PDE1A: variants seen among roughly 807,000 people sequenced by gnomAD.
PDE1A encodes phosphodiesterase 1A, also known as dual specificity calcium/calmodulin-dependent 3',5'-cyclic nucleotide phosphodiesterase 1A.
In PDE1A, 35 loss-of-function variants were observed where a neutral mutation model predicts 61.7. The observed-to-expected ratio is 0.57, with a 90% CI of 0.43 to 0.75. The LOEUF (loss-of-function observed/expected upper bound fraction) is 0.75, where lower values mean the gene tolerates loss of function less well. Ranked by LOEUF, PDE1A falls within the 30% of genes least tolerant of loss-of-function variation. The pLI is 0.00. For missense variants in PDE1A, 597 were observed against 630.6 expected, an observed-to-expected ratio of 0.95 and a Z score of 0.57; for synonymous variants, 232 against 213.2, an observed-to-expected ratio of 1.09 and a Z score of -0.77.
rs1406681295 is a variant in PDE1A, at chr2:182,189,077, A to T, written c.1126-17T>A. Reference sequence around the variant, plus strand: ...TTTATCTCCCTGGAGAAAGAAAAGCACATTAATATAGACTTGGGTTGGAGA... The same window carrying T: ...TTTATCTCCCTGGAGAAAGAAAAGCTCATTAATATAGACTTGGGTTGGAGA... On this transcript the variant is annotated splice_polypyrimidine_tract_variant and intron_variant, in intron 10 of 13. Transcript: ENST00000351439. The T allele has an allele frequency of 6.4e-7, 1 of 1,569,976 alleles. No homozygotes were observed. The highest frequency in any genetic ancestry group is 1.4e-5 in the African/African-American group (1 of 74,002).
intron 2 of PDE1A, among the ~76,000 whole-genome samples, chr2:182,248,424 G>A (rs4666828): frequency 0.19 from 29,204 of 151,898 alleles, 2,988 homozygotes; most frequent in East Asian, 0.34. Flanking sequence ...TAAAGTCAAG[G>A]GTTTCTAAAC....
chr2:182,641,850 G>A, the PDE1A span, among the ~76,000 whole-genome samples: 2 of 152,152 alleles, frequency 1.3e-5, no homozygotes, highest in African/African-American at 2.4e-5. Context: ...AACAATACAT[G>A]TCTTCACAGT....
the PDE1A span, among the ~76,000 whole-genome samples, chr2:182,676,374 A>T: frequency 6.6e-6 from 1 of 152,004 alleles, no homozygotes; most frequent in Non-Finnish European, 1.5e-5. Flanking sequence ...GGAGAAACTG[A>T]TTCCCTGAAC....
At chr2:182,565,147 A>G in the PDE1A span, among the ~76,000 whole-genome samples, 6 of 152,054 alleles carry the variant, frequency 3.9e-5, no homozygotes, top group Admixed American at 1.3e-4. Flanking sequence ...TAGAGTTTCC[A>G]GTTTTTCTGC....
chr2:182,464,384 A>G (rs573518657), intron 2 of PDE1A, among the ~76,000 whole-genome samples: 10 of 152,226 alleles, frequency 6.6e-5, no homozygotes, highest in Admixed American at 2.6e-4. Flanking sequence ...ACAGCCAAAA[A>G]GCAGAGTGCA....
intron 1 of PDE1A, among the ~76,000 whole-genome samples, chr2:182,335,163 A>G (rs768406160): frequency 1.1e-4 from 17 of 152,222 alleles, no homozygotes; most frequent in Non-Finnish European, 2.4e-4. Context: ...GATAGGAAGA[A>G]TCAATATCAT....
chr2:182,387,280 C>T (rs1016945675), intron 1 of PDE1A, among the ~76,000 whole-genome samples: 16 of 152,128 alleles, frequency 1.1e-4, no homozygotes, highest in Admixed American at 2.6e-4. Flanking sequence ...ACAAACACTG[C>T]GGAAGGCTGC....
At chr2:182,544,182 C>T in the PDE1A span, among the ~76,000 whole-genome samples, 2 of 152,108 alleles carry the variant, frequency 1.3e-5, no homozygotes, top group Admixed American at 6.6e-5. Context: ...GGTGACCAAG[C>T]AATTAATGAC....
At chr2:182,168,901 A>G (rs1212273117) in intron 13 of PDE1A, among the ~76,000 whole-genome samples, 1 of 152,054 alleles carries the variant, frequency 6.6e-6, no homozygotes, top group African/African-American at 2.4e-5. Context: ...CACATAGGTT[A>G]TAACACGATT....
At chr2:182,207,641 G>C (rs886469243) in intron 7 of PDE1A, among the ~76,000 whole-genome samples, 3 of 152,190 alleles carry the variant, frequency 2.0e-5, no homozygotes, top group Non-Finnish European at 4.4e-5. Context: ...AGGAATTCAA[G>C]GCTGCAAAAA....
At chr2:182,442,175 C>T (rs1559467240) in intron 2 of PDE1A, among the ~76,000 whole-genome samples, 1 of 151,966 alleles carries the variant, frequency 6.6e-6, no homozygotes, top group African/African-American at 2.4e-5. Context: ...CCTCCTGACC[C>T]AATATCACAA....
At chr2:182,355,744 C>A (rs1264930476) in intron 1 of PDE1A, among the ~76,000 whole-genome samples, 3 of 152,058 alleles carry the variant, frequency 2.0e-5, no homozygotes, top group Admixed American at 2.0e-4. Context: ...GGCAGCAATG[C>A]TGTTTCTATG....
chr2:182,315,771 G>C (rs1173837416), intron 1 of PDE1A, among the ~76,000 whole-genome samples: 1 of 152,160 alleles, frequency 6.6e-6, no homozygotes, highest in African/African-American at 2.4e-5. Context: ...GAGTAGGAGA[G>C]AGAAATATTC....
At chr2:182,276,044 G>C (rs761014992) in intron 1 of PDE1A, among the ~76,000 whole-genome samples, 11 of 152,040 alleles carry the variant, frequency 7.2e-5, no homozygotes, top group Non-Finnish European at 1.3e-4. Context: ...AGGAATCTAA[G>C]AGATATAAAA....
In PDE1A at chr2:182,169,572, C is replaced by T. The variant is rs914852040; in HGVS notation, c.1517-1282G>A. On this transcript the variant is annotated intron_variant, in intron 13 of 13. Transcript: ENST00000351439. ...CAAATGGGAGGGACAAAATGCATAC[C>T]TTGGATGAAGAGGATTGGTGGAGTC... Among the ~76,000 whole-genome samples, 14 of 152,004 alleles carry T rather than the reference C, an allele frequency of 9.2e-5. No homozygotes were observed. The East Asian group carries it at 1.9e-3, about 21-fold the overall frequency.
chr2:182,342,678 G>A (rs1033644531), intron 1 of PDE1A, among the ~76,000 whole-genome samples: 3 of 152,160 alleles, frequency 2.0e-5, no homozygotes, highest in African/African-American at 2.4e-5. Flanking sequence ...GCGAGACTCC[G>A]TCTCAAAAAT....
At chr2:182,527,347 T>A (rs1248126389), upstream of PDE1A, among the ~76,000 whole-genome samples, 671 of 62,720 alleles carry the variant, frequency 0.011, 185 homozygotes, top group African/African-American at 0.081. Context: ...TATATATATA[T>A]ATATATATAT....
the PDE1A span, among the ~76,000 whole-genome samples, chr2:182,579,951 T>G: frequency 1.3e-5 from 2 of 152,224 alleles, no homozygotes; most frequent in African/African-American, 4.8e-5. Context: ...TCACTATAGC[T>G]GATCATGAGC....
the PDE1A span, among the ~76,000 whole-genome samples, chr2:182,664,076 G>C: frequency 4.6e-5 from 7 of 152,198 alleles, no homozygotes; most frequent in East Asian, 1.2e-3. Context: ...GGAAAAAGTA[G>C]TTGACTTTAC....
Sources: gnomAD v4.1 joint callset for allele counts (sites outside exome capture counted in the v4.1 genomes callset) on GRCh38, gnomAD v4.1.1 for gene constraint, MANE v1.5 for transcripts, NCBI Gene and HGNC (gene_info 2026-07-23, HGNC 2026-07-21) for gene names.